The following LY6S variants were observed in gnomAD, a reference collection of about 807,000 sequenced individuals.
LY6S encodes lymphocyte antigen 6 family member S, also known as lymphocyte antigen 6S.
chr8:143,064,398 T>C, the LY6S span, among the ~76,000 whole-genome samples: 1 of 152,230 alleles, frequency 6.6e-6, no homozygotes, highest in Non-Finnish European at 1.5e-5. Flanking sequence ...AAACCTTATA[T>C]CCACAGGTTG....
chr8:143,051,520 G>A, the LY6S span, among the ~76,000 whole-genome samples: 158 of 152,040 alleles, frequency 1.0e-3, 1 homozygote, highest in Admixed American at 1.8e-3. Context: ...CAGCCTGGGT[G>A]ACAGAGCAAG....
At chr8:143,052,011 G>A in the LY6S span, among the ~76,000 whole-genome samples, 1 of 151,294 alleles carries the variant, frequency 6.6e-6, no homozygotes, top group Non-Finnish European at 1.5e-5. Flanking sequence ...GCCGGGCGTG[G>A]TGGCCCAAGC....
chr8:143,057,726 C>T, the LY6S span: 71 of 793,680 alleles, frequency 8.9e-5, no homozygotes, highest in East Asian at 1.7e-3. Context: ...TCAAAGGGCA[C>T]ATTCAGCTTA....
At chr8:143,070,015 A>G in the LY6S span, among the ~76,000 whole-genome samples, 1 of 152,140 alleles carries the variant, frequency 6.6e-6, no homozygotes, top group Admixed American at 6.5e-5. Flanking sequence ...CTTAAGCTAC[A>G]GGAATGGATT....
chr8:143,059,534 A>G, the LY6S span: 3 of 152,240 alleles, frequency 2.0e-5, no homozygotes, highest in African/African-American at 7.2e-5. Context: ...AATATAAAAT[A>G]TCAATGGTGT....
chr8:143,070,057 A>C, the LY6S span, among the ~76,000 whole-genome samples: 1 of 151,984 alleles, frequency 6.6e-6, no homozygotes, highest in Non-Finnish European at 1.5e-5. Flanking sequence ...GAGATCAGAG[A>C]TCAAGGTGTC....
chr8:143,063,687 T>C, the LY6S span, among the ~76,000 whole-genome samples: 1 of 152,238 alleles, frequency 6.6e-6, no homozygotes, highest in African/African-American at 2.4e-5. Context: ...ATAGGTTCTT[T>C]AGGCTCTTCA....
the LY6S span, among the ~76,000 whole-genome samples, chr8:143,073,084 C>T: frequency 6.8e-6 from 1 of 146,948 alleles, no homozygotes; most frequent in African/African-American, 2.6e-5. Context: ...AGGAGACAGC[C>T]GTCGTCCCCG....
chr8:143,053,812 C>G, the LY6S span: 1 of 152,172 alleles, frequency 6.6e-6, no homozygotes, highest in Admixed American at 6.5e-5. Flanking sequence ...GTCCATATGT[C>G]TGCAGGAATT....
At chr8:143,055,597 G>A in the LY6S span, among the ~76,000 whole-genome samples, 7 of 151,982 alleles carry the variant, frequency 4.6e-5, no homozygotes, top group African/African-American at 1.7e-4. Flanking sequence ...CCCAAAATAC[G>A]TAAGAACCAC....
chr8:143,073,126 T>C, the LY6S span, among the ~76,000 whole-genome samples: 82 of 84,678 alleles, frequency 9.7e-4, no homozygotes, highest in African/African-American at 3.1e-3. Context: ...GCCGTCGTCC[T>C]CGGGGTTCCT....
the LY6S span, among the ~76,000 whole-genome samples, chr8:143,070,119 T>G: frequency 6.6e-5 from 10 of 151,968 alleles, no homozygotes; most frequent in East Asian, 1.9e-3. Context: ...AGATGGCATC[T>G]GCTCCCTGCA....
At chr8:143,041,186 T>G in the LY6S span, among the ~76,000 whole-genome samples, 1 of 152,194 alleles carries the variant, frequency 6.6e-6, no homozygotes, top group African/African-American at 2.4e-5. Flanking sequence ...CTCATCCTAA[T>G]AAGCCTGGGA....
chr8:143,074,025 G>C, the LY6S span, among the ~76,000 whole-genome samples: 137 of 152,306 alleles, frequency 9.0e-4, 1 homozygote, highest in South Asian at 0.017. Flanking sequence ...GTTCTCTAGT[G>C]CTAAGGTGTT....
the LY6S span, chr8:143,054,078 G>C: frequency 6.6e-6 from 1 of 152,134 alleles, no homozygotes; most frequent in Non-Finnish European, 1.5e-5. Flanking sequence ...AAGCCAAGGC[G>C]GGTGGATCAC....
At chr8:143,052,098 G>A in the LY6S span, among the ~76,000 whole-genome samples, 17 of 151,852 alleles carry the variant, frequency 1.1e-4, no homozygotes, top group African/African-American at 3.9e-4. Flanking sequence ...TGGCTAACAC[G>A]GTGAAACCCC....
At chr8:143,070,607 C>G in the LY6S span, among the ~76,000 whole-genome samples, 1 of 149,136 alleles carries the variant, frequency 6.7e-6, no homozygotes, top group Non-Finnish European at 1.5e-5. Context: ...CTGCTCCAGC[C>G]TCCTGGGTAG....
At chr8:143,058,118 G>A in the LY6S span, among the ~76,000 whole-genome samples, 1 of 152,112 alleles carries the variant, frequency 6.6e-6, no homozygotes, top group Non-Finnish European at 1.5e-5. Flanking sequence ...AGGGTTCTGA[G>A]GATGCACAAA....
the LY6S span, among the ~76,000 whole-genome samples, chr8:143,052,454 C>A: frequency 6.6e-6 from 1 of 152,192 alleles, no homozygotes; most frequent in African/African-American, 2.4e-5. Context: ...CTCTCACTAA[C>A]CCCAGTCCAG....
Sources: gnomAD v4.1 joint callset for allele counts (sites outside exome capture counted in the v4.1 genomes callset) on GRCh38, gnomAD v4.1.1 for gene constraint, MANE v1.5 for transcripts, NCBI Gene and HGNC (gene_info 2026-07-23, HGNC 2026-07-21) for gene names.